Variants in HK1 observed in about 807,000 individuals in gnomAD.
HK1 encodes hexokinase-1.
In HK1, 28 loss-of-function variants were observed where a neutral mutation model predicts 91.6. That is an observed-to-expected ratio of 0.31 (90% confidence interval 0.23 to 0.42). The LOEUF (loss-of-function observed/expected upper bound fraction) is 0.42, where lower values mean the gene tolerates loss of function less well. Ranked by LOEUF, HK1 falls within the 10% of genes least tolerant of loss-of-function variation. The pLI is 1.00. For missense variants in HK1, 770 were observed against 1,219.8 expected (o/e 0.63, Z 5.49); for synonymous variants, 430 against 468.1 (o/e 0.92, Z 1.05).
chr10:69,366,679 A>G (rs2132801270), intron 4 of HK1, among the ~76,000 whole-genome samples: 1 of 152,294 alleles, frequency 6.6e-6, no homozygotes, highest in South Asian at 2.1e-4. Context: ...TGGTTCTGGT[A>G]TCTGAGAACG....
chr10:69,312,432 T>C (rs910849233), upstream of HK1, among the ~76,000 whole-genome samples: 4 of 151,946 alleles, frequency 2.6e-5, no homozygotes, highest in African/African-American at 4.8e-5. Context: ...AGAGATGGAG[T>C]TTCACCATGT....
chr10:69,357,829 A>T (rs1849208300), intron 2 of HK1, among the ~76,000 whole-genome samples: 1 of 152,176 alleles, frequency 6.6e-6, no homozygotes, highest in Non-Finnish European at 1.5e-5. Flanking sequence ...GTGGTTGCCT[A>T]GGGCTGGAGA....
intron 1 of HK1, among the ~76,000 whole-genome samples, chr10:69,282,327 T>C (rs1374079250): frequency 6.6e-6 from 1 of 152,146 alleles, no homozygotes; most frequent in Non-Finnish European, 1.5e-5. Context: ...GAGGTCTCAA[T>C]GGGATAAAAT....
At chr10:69,349,167 A>G (rs763385734) in intron 2 of HK1, among the ~76,000 whole-genome samples, 1 of 152,214 alleles carries the variant, frequency 6.6e-6, no homozygotes, top group Non-Finnish European at 1.5e-5. Flanking sequence ...AAAGAGGCTG[A>G]GCTTGTAGCC....
chr10:69,385,549 G>A (rs548981738), intron 12 of HK1, among the ~76,000 whole-genome samples: 10 of 152,230 alleles, frequency 6.6e-5, no homozygotes, highest in Non-Finnish European at 1.0e-4. Context: ...GCAGAGTCAC[G>A]GAGGCAAGAC....
At chr10:69,399,413 G>T (rs773189148) in intron 17 of HK1, among the ~76,000 whole-genome samples, 1 of 152,194 alleles carries the variant, frequency 6.6e-6, no homozygotes, top group Non-Finnish European at 1.5e-5. Context: ...TCGGGAGGCT[G>T]AGGGAAGAGG....
At chr10:69,287,975 C>CAA (rs35699014) in intron 2 of HK1, among the ~76,000 whole-genome samples, 8 of 115,916 alleles carry the variant, frequency 6.9e-5, no homozygotes, top group Admixed American at 9.1e-5. Flanking sequence ...ACTGTGTCTA[C>CAA]AAAAAAAAAA....
At chr10:69,370,750 T>C (rs974523158) in intron 7 of HK1, among the ~76,000 whole-genome samples, 8 of 152,182 alleles carry the variant, frequency 5.3e-5, no homozygotes, top group African/African-American at 1.7e-4. Flanking sequence ...ATTCTTACTA[T>C]GGCAATCTCC....
intron 3 of HK1, among the ~76,000 whole-genome samples, chr10:69,361,947 A>G (rs1206085995): frequency 6.6e-6 from 1 of 151,970 alleles, no homozygotes; most frequent in Non-Finnish European, 1.5e-5. Flanking sequence ...CCTCCCAAAT[A>G]GCTGGAATTA....
upstream of HK1, among the ~76,000 whole-genome samples, chr10:69,316,849 G>T (rs907902521): frequency 4.6e-5 from 7 of 152,200 alleles, no homozygotes; most frequent in African/African-American, 1.7e-4. Flanking sequence ...CATCCTCAAG[G>T]AGTTTCCAGC....
At chr10:69,372,756 A>G (rs1342809675) in intron 7 of HK1, among the ~76,000 whole-genome samples, 3 of 152,050 alleles carry the variant, frequency 2.0e-5, no homozygotes, top group African/African-American at 4.8e-5. Flanking sequence ...TAAAAAAAAT[A>G]CTGATGTCCA....
chr10:69,373,832 C>T (rs1296467261), intron 7 of HK1, among the ~76,000 whole-genome samples: 3 of 152,132 alleles, frequency 2.0e-5, no homozygotes, highest in African/African-American at 7.2e-5. Context: ...TCAGGTGATC[C>T]TCCTGCCTCA....
At chr10:69,318,191 C>T, upstream of HK1, 4 of 985,428 alleles carry the variant, frequency 4.1e-6, no homozygotes, top group Non-Finnish European at 4.8e-6. Context: ...GGAGATTAGG[C>T]GGGGCACGCC....
At chr10:69,302,160 T>C (rs1845906573) in intron 5 of HK1, among the ~76,000 whole-genome samples, 1 of 151,106 alleles carries the variant, frequency 6.6e-6, no homozygotes. Context: ...GGCAGGAGAA[T>C]CACTTGAACC....
intron 2 of HK1, among the ~76,000 whole-genome samples, chr10:69,347,682 C>T (rs1848638681): frequency 6.6e-6 from 1 of 152,074 alleles, no homozygotes. Context: ...GATCTGCCCG[C>T]CTTGGCCCCT....
chr10:69,369,643 CT>C lies in HK1; in HGVS notation c.875+21del, dbSNP rs753327473. 6.0e-5 allele frequency: 96 copies of C among 1,607,954 alleles called. No individual in the cohort carries two copies. The highest frequency in any genetic ancestry group is 8.0e-5 in the Non-Finnish European group (94 of 1,176,034). On this transcript the variant is annotated intron_variant, in intron 7 of 17. Coordinates refer to ENST00000359426, the MANE Select transcript of HK1 (RefSeq NM_000188.3). The surrounding 1 kb of genome is among the most constrained non-coding windows in gnomAD (Gnocchi z 4.4). ...AACAGCTGTGAGTCCTTGACTTTTG[CT>C]TCTAACCACATATGTGAGTTAGGGG... is the stretch of plus-strand genomic sequence containing the variant.
At chr10:69,378,408 C>T (rs563055712) in intron 8 of HK1, among the ~76,000 whole-genome samples, 88 of 151,772 alleles carry the variant, frequency 5.8e-4, no homozygotes, top group African/African-American at 2.0e-3. Flanking sequence ...TATTTGGCAT[C>T]GTACTGGAGT....
Position 69,384,806 on chromosome 10 carries a change from A to T in HK1, c.1730A>T (p.His577Leu), listed in dbSNP as rs756348673. The T allele has an allele frequency of 6.2e-7, 1 of 1,614,078 alleles. No individual in the cohort carries two copies. The highest frequency in any genetic ancestry group is 8.5e-7 in the Non-Finnish European group (1 of 1,180,052). ...MQGTGEELFDHIVSCISDFLD... is the reference protein window; with the variant it reads ...MQGTGEELFDLIVSCISDFLD... ...TCTTTTCCCCTGCAGCTGTTTGATC[A>T]CATTGTCTCCTGCATCTCTGACTTC... The change falls in exon 12 of 18, where the codon CAC becomes CTC. Residue 577 changes from histidine (H) to leucine (L), a missense_variant. His to Leu is a moderately conservative substitution (Grantham distance 99, BLOSUM62 -3). Coordinates refer to ENST00000359426, the MANE Select transcript of HK1 (RefSeq NM_000188.3).
At chr10:69,285,556 G>T (rs759384607) in intron 2 of HK1, among the ~76,000 whole-genome samples, 3 of 152,138 alleles carry the variant, frequency 2.0e-5, no homozygotes, top group Non-Finnish European at 4.4e-5. Context: ...TCAAGTAAAT[G>T]ACACAATAAA....
Sources: gnomAD v4.1 joint callset for allele counts (sites outside exome capture counted in the v4.1 genomes callset) on GRCh38, gnomAD v4.1.1 for gene constraint, Gnocchi (gnomAD v3.1) non-coding constraint, MANE v1.5 for transcripts, NCBI Gene and HGNC (gene_info 2026-07-23, HGNC 2026-07-21) for gene names.